CCSER2: variants seen among roughly 807,000 people sequenced by gnomAD.
CCSER2 encodes coiled-coil serine rich protein 2, also known as serine-rich coiled-coil domain-containing protein 2.
Under a neutral mutation model 92.3 loss-of-function variants are expected in CCSER2, and 46 were observed. The ratio of observed to expected loss-of-function variants is 0.50; its 90% CI spans 0.39 to 0.64. The LOEUF (loss-of-function observed/expected upper bound fraction) is 0.64. Among genes scored for constraint, CCSER2 ranks in the 30% least tolerant of loss-of-function variants. The probability of loss-of-function intolerance (pLI) is 0.00; values close to 1 mark genes in which losing one functional copy is unlikely to be tolerated. For missense variants in CCSER2, 1,244 were observed against 1,238.9 expected (o/e 1.00, Z -0.06); for synonymous variants, 433 against 431.4 (o/e 1.00, Z -0.04).
intron 3 of CCSER2, among the ~76,000 whole-genome samples, chr10:84,397,811 A>G (rs550045195): frequency 6.6e-6 from 1 of 152,336 alleles, no homozygotes; most frequent in South Asian, 2.1e-4. Context: ...TCAGGTGCTA[A>G]TGTGCTTCTG....
chr10:84,507,149 A>G (rs1167807849), intron 9 of CCSER2: 4 of 160,394 alleles, frequency 2.5e-5, no homozygotes, highest in Non-Finnish European at 5.3e-5. Context: ...GAAATAATGA[A>G]TAATGCCTAG....
In CCSER2 at chr10:84,500,204, A is replaced by C. The variant is rs140200152; in HGVS notation, c.2326-13245A>C. ...TTTCATTCTAATACTGTTTAAACCT[A>C]TTGCCAGTGACCCTAGACCTACTGA... On this transcript the variant is annotated intron_variant, in intron 9 of 9. Transcript: ENST00000372088. 1.4e-3 allele frequency among the ~76,000 whole-genome samples: 207 copies of C among 152,316 alleles called. 6 individuals are homozygous for C. The East Asian group carries it at 0.034, about 25-fold the overall frequency.
At chr10:84,351,395 C>G (rs1463066122) in intron 1 of CCSER2, among the ~76,000 whole-genome samples, 2 of 152,052 alleles carry the variant, frequency 1.3e-5, no homozygotes, top group East Asian at 3.9e-4. Flanking sequence ...CCATGTCTGG[C>G]TGATTTTTGT....
chr10:84,477,178 A>G (rs1434083248), intron 8 of CCSER2, among the ~76,000 whole-genome samples: 2 of 152,244 alleles, frequency 1.3e-5, no homozygotes, highest in Admixed American at 6.5e-5. Flanking sequence ...ATTGATATAC[A>G]TAAAATCATA....
chr10:84,439,819 C>T (rs1222061007), intron 6 of CCSER2, among the ~76,000 whole-genome samples: 6 of 152,186 alleles, frequency 3.9e-5, no homozygotes, highest in African/African-American at 1.4e-4. Flanking sequence ...ATTGAGCTTA[C>T]AGCCTAGTTC....
intron 9 of CCSER2, among the ~76,000 whole-genome samples, chr10:84,495,795 T>C (rs1848417131): frequency 6.7e-6 from 1 of 148,966 alleles, no homozygotes; most frequent in Non-Finnish European, 1.5e-5. Context: ...TTTGGCGTGG[T>C]ATATCGTTTT....
At chr10:84,443,681 A>T (rs186618242) in intron 6 of CCSER2, among the ~76,000 whole-genome samples, 1 of 152,326 alleles carries the variant, frequency 6.6e-6, no homozygotes, top group East Asian at 1.9e-4. Context: ...TACTATAAAG[A>T]CACATGCACA....
intron 1 of CCSER2, among the ~76,000 whole-genome samples, chr10:84,343,885 T>A (rs144451447): frequency 6.6e-6 from 1 of 152,330 alleles, no homozygotes; most frequent in East Asian, 1.9e-4. Context: ...GAGACTGGAA[T>A]AGACAAAATT....
At position 84,490,280 on chromosome 10, in the gene CCSER2, T is replaced by C. The variant is rs1270860556; in HGVS notation, c.2325+12616T>C. On this transcript the variant is annotated intron_variant, in intron 9 of 9. Transcript: ENST00000372088. ...TCTCTGTATTTCCTGAATTTGAACA[T>C]TGGCCTGCCTTGCTAGGTTGGGGAA... Among the ~76,000 whole-genome samples the C allele has an allele frequency of 2.0e-5, 3 of 152,214 alleles. No individual in the cohort carries two copies. In the South Asian group the frequency reaches 6.2e-4, roughly 32 times the overall value.
chr10:84,491,864 A>G (rs1268899668), intron 9 of CCSER2, among the ~76,000 whole-genome samples: 1 of 152,092 alleles, frequency 6.6e-6, no homozygotes, highest in Non-Finnish European at 1.5e-5. Context: ...AGCTGTTCCT[A>G]TTCGGCCATC....
rs542518373 is a variant in CCSER2 at position 84,414,376 on chromosome 10, GA to G, written c.1615-3391del. Among the ~76,000 whole-genome samples, 366 of 152,270 alleles carry G rather than the reference GA, an allele frequency of 2.4e-3. 1 individual carries two copies. Among genetic ancestry groups the G allele is most frequent in the African/African-American group, 8.4e-3 (350 of 41,546 alleles). ...GTATTCCATCGGCATTTGTTTGTCTGAAAAGGATCTTATTTCTCCTTTGCTT... is the reference window on the plus strand; with the variant it reads ...GTATTCCATCGGCATTTGTTTGTCTGAAAGGATCTTATTTCTCCTTTGCTT... On this transcript the variant is annotated intron_variant, in intron 3 of 9. Transcript: ENST00000372088.
chr10:84,343,896 T>A (rs546697540), intron 1 of CCSER2, among the ~76,000 whole-genome samples: 17 of 152,300 alleles, frequency 1.1e-4, no homozygotes, highest in African/African-American at 3.6e-4. Context: ...AGACAAAATT[T>A]GAGTATTAGT....
At chr10:84,378,314 A>G (rs976623196) in intron 3 of CCSER2, among the ~76,000 whole-genome samples, 8 of 152,048 alleles carry the variant, frequency 5.3e-5, no homozygotes, top group Non-Finnish European at 2.9e-5. Context: ...ATTTTCAAAT[A>G]GTAAACTACC....
At chr10:84,361,469 C>T (rs1046985280) in intron 1 of CCSER2, among the ~76,000 whole-genome samples, 5 of 152,066 alleles carry the variant, frequency 3.3e-5, no homozygotes, top group South Asian at 4.1e-4. Flanking sequence ...CTTTTTACAT[C>T]GAAAATGGAA....
intron 7 of CCSER2, among the ~76,000 whole-genome samples, chr10:84,468,728 G>A (rs920997640): frequency 6.6e-6 from 1 of 151,080 alleles, no homozygotes; most frequent in Non-Finnish European, 1.5e-5. Context: ...TTGTAAACTT[G>A]TTAACTTTCA....
At chr10:84,433,093 A>G (rs762449297) in intron 5 of CCSER2, among the ~76,000 whole-genome samples, 7 of 152,112 alleles carry the variant, frequency 4.6e-5, no homozygotes, top group Admixed American at 1.3e-4. Flanking sequence ...AATACCACAC[A>G]TGCCATTTTG....
At chr10:84,497,298 T>C (rs1848504940) in intron 9 of CCSER2, among the ~76,000 whole-genome samples, 1 of 152,156 alleles carries the variant, frequency 6.6e-6, no homozygotes, top group Admixed American at 6.5e-5. Context: ...GAAGACGCAT[T>C]GTAGGTGGCA....
intron 1 of CCSER2, among the ~76,000 whole-genome samples, chr10:84,353,737 C>T (rs1844997592): frequency 6.6e-6 from 1 of 152,142 alleles, no homozygotes; most frequent in Non-Finnish European, 1.5e-5. Context: ...CCTTCTTTTC[C>T]CCTTTAGCAT....
chr10:84,389,323 A>G, intron 3 of CCSER2: 1 of 523,148 alleles, frequency 1.9e-6, no homozygotes, highest in Non-Finnish European at 3.8e-6. Flanking sequence ...ACATCTGTCG[A>G]GCAATGTTGA....
Sources: allele counts gnomAD v4.1 joint callset (sites outside exome capture counted in the v4.1 genomes callset), GRCh38; gene constraint gnomAD v4.1.1; transcripts MANE v1.5; gene names NCBI Gene and HGNC (gene_info 2026-07-23, HGNC 2026-07-21).